Variants in SESN2 observed in about 807,000 individuals in gnomAD.
The protein encoded by SESN2 is sestrin-2.
SESN2 carries 42 observed loss-of-function variants against 56.0 expected under a neutral mutation model. The ratio of observed to expected loss-of-function variants is 0.75; its 90% CI spans 0.59 to 0.97. SESN2 has a LOEUF of 0.97. Ranked by LOEUF, SESN2 falls within the 50% of genes least tolerant of loss-of-function variation. The pLI is 0.00. For missense variants in SESN2, 507 were observed against 649.4 expected (o/e 0.78, Z 2.38); for synonymous variants, 264 against 267.1 (o/e 0.99, Z 0.11).
rs1254035585 is a variant in SESN2 at position 28,274,979 on chromosome 1, C to G, written c.1175C>G (p.Ala392Gly). ...SGVDTSVLRR[A>G]IWNYIHCVFG... ...GTGGACACCTCCGTGCTCCGCAGGG[C>G]CATCTGGAACTATATCCACTGCGTC... Residue 392 changes from alanine to glycine, a missense_variant, in exon 8 of 10, where the codon GCC becomes GGC. Physicochemically the swap from Ala to Gly is moderately conservative, Grantham distance 60. Transcript: ENST00000253063. The G allele has an allele frequency of 6.2e-7, 1 of 1,613,940 alleles. No homozygotes were observed. Among genetic ancestry groups the G allele is most frequent in the Non-Finnish European group, 8.5e-7 (1 of 1,179,912 alleles).
At position 28,279,198 on chromosome 1, in the gene SESN2, G is replaced by A. The variant is rs1171029329; in HGVS notation, c.1313G>A (p.Arg438Lys). The change falls in exon 9 of 10, where the codon AGA becomes AAA. Residue 438 changes from arginine to lysine, a missense_variant. Coordinates refer to ENST00000253063, the MANE Select transcript of SESN2 (RefSeq NM_031459.5). ...VACYPEKTTRRMYNLFWRHFR... is the reference protein window; with the variant it reads ...VACYPEKTTRKMYNLFWRHFR... ...TGCTACCCAGAGAAGACCACCCGAA[G>A]AATGTACAACCTCTTCTGGAGGCAC... The A allele has an allele frequency of 6.2e-7, 1 of 1,614,200 alleles. No homozygotes were observed. The highest frequency in any genetic ancestry group is 1.1e-5 in the South Asian group (1 of 91,086).
intron 1 of SESN2, among the ~76,000 whole-genome samples, chr1:28,263,446 C>T (rs970399685): frequency 6.6e-6 from 1 of 152,064 alleles, no homozygotes; most frequent in African/African-American, 2.4e-5. Context: ...ATTTCCGTAT[C>T]GTCTTCTCAG....
chr1:28,264,287 C>T (rs1001177526), intron 1 of SESN2, among the ~76,000 whole-genome samples: 1 of 151,740 alleles, frequency 6.6e-6, no homozygotes, highest in Non-Finnish European at 1.5e-5. Flanking sequence ...CAACTGCACT[C>T]CAGCCTGGGT....
chr1:28,261,550 G>C (rs1018540119), intron 1 of SESN2, among the ~76,000 whole-genome samples: 2 of 152,160 alleles, frequency 1.3e-5, no homozygotes, highest in African/African-American at 4.8e-5. Context: ...TAGTAACTGC[G>C]TGATACTTGC....
chr1:28,270,859 G>A (rs1452040369), intron 2 of SESN2, among the ~76,000 whole-genome samples: 2 of 152,038 alleles, frequency 1.3e-5, no homozygotes, highest in East Asian at 1.9e-4. Flanking sequence ...GTGAGCCACC[G>A]TGCCCAGCCC....
Position 28,280,887 on chromosome 1 carries a change from GCCCACCCTC to G in SESN2, c.*91_*99del. The G allele has an allele frequency of 9.7e-7, 1 of 1,027,108 alleles. No homozygotes were observed. The highest frequency in any genetic ancestry group is 1.5e-6 in the Non-Finnish European group (1 of 660,148). 63.6% of individuals were successfully genotyped at this position (1,027,108 alleles called of 1,614,324 possible). On this transcript the variant is annotated 3_prime_UTR_variant, in exon 10 of 10. Coordinates refer to ENST00000253063, the MANE Select transcript of SESN2 (RefSeq NM_031459.5). ...AGCCCCAGACCCTTTTGTGTCCCAT[GCCCACCCTC>G]CCCACGCTGCAGTGGGCTTGTGTGT...
Position 28,272,563 on chromosome 1 carries a change from C to T in SESN2, c.538-18C>T, listed in dbSNP as rs1419247529. ...GCAGGCACTGAGCAGCTCTGACCTCCCCCCTTGTCCCTTCCAGGCCTTGCT... is the reference window on the plus strand; with the variant it reads ...GCAGGCACTGAGCAGCTCTGACCTCTCCCCTTGTCCCTTCCAGGCCTTGCT... On this transcript the variant is annotated intron_variant, in intron 4 of 9. Transcript: ENST00000253063. 7.4e-6 allele frequency: 12 copies of T among 1,613,270 alleles called. No individual in the cohort carries two copies. The Admixed American group carries it at 1.8e-4, about 25-fold the overall frequency.
rs762801878 is a variant in SESN2 at position 28,275,024 on chromosome 1, A to G, written c.1211+9A>G. On this transcript the variant is annotated intron_variant, in intron 8 of 9. Transcript: ENST00000253063. ...TGCGTCTTTGGCATCAGGTGAGCTC[A>G]TATCCCTTCATTTGGGGCATGTGTG... 1 of 1,598,602 alleles carries G rather than the reference A, an allele frequency of 6.3e-7. No individual in the cohort carries two copies. The highest frequency in any genetic ancestry group is 1.1e-5 in the South Asian group (1 of 90,188).
At chr1:28,268,620 G>A (rs895809827) in intron 1 of SESN2, among the ~76,000 whole-genome samples, 2 of 151,058 alleles carry the variant, frequency 1.3e-5, no homozygotes, top group Admixed American at 6.6e-5. Context: ...AGCTGAGATC[G>A]CACCATTGCA....
At chr1:28,273,964 T>C in intron 6 of SESN2, 76 bp from the exon 7 acceptor site, 1 of 968,848 alleles carries the variant, frequency 1.0e-6, no homozygotes, top group Non-Finnish European at 1.6e-6. Flanking sequence ...CCCCTCCCCC[T>C]TTTGGTGATT....
In SESN2 at chr1:28,272,383, G is replaced by GC; in HGVS notation, c.459dup (p.Glu154ArgfsTer66). ...TGAGTGGCTGCTGGGCCTCCACCGG[G>GC]CCCCCGAGAAGCTGCGCAAACTCAG... On this transcript the variant is annotated frameshift_variant, in exon 4 of 10. Coordinates refer to ENST00000253063, the MANE Select transcript of SESN2 (RefSeq NM_031459.5). LOFTEE classifies it high-confidence loss of function. 1.2e-6 allele frequency: 2 copies of GC among 1,613,710 alleles called. No homozygotes were observed. The highest frequency in any genetic ancestry group is 2.2e-5 in the East Asian group (1 of 44,878).
rs918247384 is a variant in SESN2 at position 28,273,608 on chromosome 1, C to G, written c.901+100C>G. The G allele has an allele frequency of 1.9e-5, 23 of 1,179,872 alleles. No individual in the cohort carries two copies. In the Admixed American group the frequency reaches 5.2e-4, roughly 26 times the overall value. The allele number at this position is 1,179,872 out of a possible 1,614,324, so 73.1% of individuals were successfully genotyped here. A position where few individuals can be genotyped will look rare whatever the true frequency, so the allele number is the denominator to read the frequency against. Reference sequence around the variant, plus strand: ...CTGCATTCCAGAGGCAGCCACTTCTCAACCTCCCGTCCAAGAGGTTCTGAG... The same window carrying G: ...CTGCATTCCAGAGGCAGCCACTTCTGAACCTCCCGTCCAAGAGGTTCTGAG... On this transcript the variant is annotated intron_variant, in intron 6 of 9. Coordinates refer to ENST00000253063, the MANE Select transcript of SESN2 (RefSeq NM_031459.5).
At chr1:28,274,247 C>A in intron 7 of SESN2, 89 bp downstream of exon 7, 1 of 872,588 alleles carries the variant, frequency 1.1e-6, no homozygotes, top group Non-Finnish European at 1.9e-6. Flanking sequence ...GAGTTAGGTA[C>A]CCAGCTGGGC....
chr1:28,278,956 A>G (rs768425980), intron 8 of SESN2, 141 bp from the exon 9 acceptor site: 319 of 791,008 alleles, frequency 4.0e-4, no homozygotes, highest in Admixed American at 8.9e-4. Flanking sequence ...CTGTTTCTCC[A>G]AGAGGAACTA....
At chr1:28,280,658 AGGGGTGTG>A in intron 9 of SESN2, 50 bp from the exon 10 acceptor site, 1 of 1,335,622 alleles carries the variant, frequency 7.5e-7, no homozygotes, top group Non-Finnish European at 1.1e-6. Context: ...GCAGTCTGGG[AGGGGTGTG>A]GGGGTGAGGA....
At chr1:28,274,495 C>T (rs967942653) in intron 7 of SESN2, among the ~76,000 whole-genome samples, 7 of 151,834 alleles carry the variant, frequency 4.6e-5, no homozygotes, top group Admixed American at 1.3e-4. Context: ...CGCGCTACTG[C>T]GCTCCAGCCT....
At chr1:28,264,060 A>AT (rs1412213898) in intron 1 of SESN2, among the ~76,000 whole-genome samples, 1 of 145,492 alleles carries the variant, frequency 6.9e-6, no homozygotes, top group East Asian at 2.0e-4. Flanking sequence ...CCTCATCTCT[A>AT]TTTAAAAAAA....
chr1:28,269,351 G>A, intron 2 of SESN2, 103 bp downstream of exon 2: 1 of 698,082 alleles, frequency 1.4e-6, no homozygotes, highest in Non-Finnish European at 2.3e-6. Flanking sequence ...CAGCTTTTAA[G>A]CTATTCCTTT....
At chr1:28,265,840 C>T (rs1647544850) in intron 1 of SESN2, among the ~76,000 whole-genome samples, 1 of 150,172 alleles carries the variant, frequency 6.7e-6, no homozygotes, top group Non-Finnish European at 1.5e-5. Context: ...TAGATCTTTA[C>T]AGGCCTTGCT....
Sources: allele counts gnomAD v4.1 joint callset (sites outside exome capture counted in the v4.1 genomes callset), GRCh38; gene constraint gnomAD v4.1.1; transcripts MANE v1.5; gene names NCBI Gene and HGNC (gene_info 2026-07-23, HGNC 2026-07-21).